TUSC3: variants seen among roughly 807,000 people sequenced by gnomAD.
The protein encoded by TUSC3 is tumor suppressor candidate 3.
TUSC3 carries 45 observed loss-of-function variants against 44.8 expected under a neutral mutation model. That is an observed-to-expected ratio of 1.00 (90% CI 0.79 to 1.29). TUSC3 has a LOEUF of 1.29. TUSC3 is among the 50% of genes most tolerant of loss of function. TUSC3 has a pLI of 0.00. For synonymous variants in TUSC3, 212 were observed against 152.9 expected, an observed-to-expected ratio of 1.39 and a Z score of -2.85; for missense variants, 519 against 437.9, an observed-to-expected ratio of 1.19 and a Z score of -1.65.
intron 2 of TUSC3, among the ~76,000 whole-genome samples, chr8:15,521,181 G>C (rs59714507): frequency 6.6e-6 from 1 of 152,060 alleles, no homozygotes; most frequent in African/African-American, 2.4e-5. Context: ...TTTGCCTGCC[G>C]TTTATGTATA....
At chr8:15,818,941 G>T in the TUSC3 span, among the ~76,000 whole-genome samples, 1 of 152,032 alleles carries the variant, frequency 6.6e-6, no homozygotes, top group Non-Finnish European at 1.5e-5. Context: ...CATTCCTTGT[G>T]GGTCTCGTGC....
At chr8:15,803,579 T>C in the TUSC3 span, among the ~76,000 whole-genome samples, 1 of 152,232 alleles carries the variant, frequency 6.6e-6, no homozygotes, top group Non-Finnish European at 1.5e-5. Flanking sequence ...AGTTCTGGGA[T>C]ACACGTGCTG....
chr8:15,609,715 T>A (rs552608982), intron 1 of TUSC3, among the ~76,000 whole-genome samples: 10 of 152,100 alleles, frequency 6.6e-5, no homozygotes, highest in African/African-American at 2.2e-4. Flanking sequence ...ACTTAAGCAA[T>A]TTTTTAGTGA....
At chr8:15,491,333 G>C (rs780725841) in intron 2 of TUSC3, among the ~76,000 whole-genome samples, 2 of 152,118 alleles carry the variant, frequency 1.3e-5, no homozygotes, top group Non-Finnish European at 2.9e-5. Context: ...TGAGTAATAC[G>C]TGAGGGAGGT....
intron 6 of TUSC3, among the ~76,000 whole-genome samples, chr8:15,723,622 A>G (rs757306134): frequency 1.3e-5 from 2 of 152,004 alleles, no homozygotes; most frequent in Non-Finnish European, 2.9e-5. Context: ...GTAAGAACTA[A>G]TGCTGCCTCA....
the TUSC3 span, among the ~76,000 whole-genome samples, chr8:15,803,941 G>C: frequency 6.6e-6 from 1 of 152,090 alleles, no homozygotes; most frequent in Non-Finnish European, 1.5e-5. Context: ...TCTTTATCCA[G>C]TCTATCATCG....
intron 2 of TUSC3, among the ~76,000 whole-genome samples, chr8:15,506,553 TGGC>T (rs1220700128): frequency 6.6e-6 from 1 of 152,148 alleles, no homozygotes; most frequent in Non-Finnish European, 1.5e-5. Context: ...CAGTTCCACA[TGGC>T]TGGGGAGGCC....
At chr8:15,800,952 T>C in the TUSC3 span, among the ~76,000 whole-genome samples, 4 of 152,180 alleles carry the variant, frequency 2.6e-5, no homozygotes, top group African/African-American at 9.7e-5. Flanking sequence ...CAAATATTTA[T>C]TGAGCTCTTA....
At chr8:15,510,719 C>G (rs1801121257) in intron 2 of TUSC3, among the ~76,000 whole-genome samples, 1 of 151,954 alleles carries the variant, frequency 6.6e-6, no homozygotes, top group African/African-American at 2.4e-5. Context: ...GCGGGGAATG[C>G]TTTCTTATTC....
chr8:15,455,155 C>A (rs1481889444), intron 1 of TUSC3, among the ~76,000 whole-genome samples: 1 of 152,112 alleles, frequency 6.6e-6, no homozygotes, highest in Non-Finnish European at 1.5e-5. Flanking sequence ...TGAGTAGACA[C>A]TTGGGTATGG....
chr8:15,851,070 G>A, the TUSC3 span, among the ~76,000 whole-genome samples: 2 of 152,140 alleles, frequency 1.3e-5, no homozygotes, highest in Non-Finnish European at 2.9e-5. Flanking sequence ...TAAGTCAATG[G>A]ACGACGCGAC....
chr8:15,805,368 T>G, the TUSC3 span, among the ~76,000 whole-genome samples: 31 of 152,304 alleles, frequency 2.0e-4, no homozygotes, highest in East Asian at 5.6e-3. Context: ...CAGTACTATG[T>G]TGAATAAAAG....
chr8:15,737,427 G>T (rs192577541), intron 7 of TUSC3, among the ~76,000 whole-genome samples: 54 of 152,198 alleles, frequency 3.5e-4, no homozygotes, highest in African/African-American at 1.1e-3. Context: ...GGTATTGTAT[G>T]TAATTTACAC....
intron 1 of TUSC3, among the ~76,000 whole-genome samples, chr8:15,592,556 G>A (rs936293282): frequency 6.6e-6 from 1 of 152,028 alleles, no homozygotes; most frequent in African/African-American, 2.4e-5. Context: ...ACTCTCTTTT[G>A]CTCGCTCTCA....
chr8:15,440,372 A>G (rs1585790077), intron 1 of TUSC3, among the ~76,000 whole-genome samples: 1 of 152,324 alleles, frequency 6.6e-6, no homozygotes, highest in East Asian at 1.9e-4. Context: ...GTAGAAACCC[A>G]GAATGATTAG....
At chr8:15,524,056 C>CAAA (rs35388650) in intron 2 of TUSC3, among the ~76,000 whole-genome samples, 12 of 135,708 alleles carry the variant, frequency 8.8e-5, no homozygotes, top group African/African-American at 2.0e-4. Context: ...GACTCCGTCT[C>CAAA]AAAAAAAAAA....
upstream of TUSC3, among the ~76,000 whole-genome samples, chr8:15,536,409 C>T (rs1801521890): frequency 6.6e-6 from 1 of 152,048 alleles, no homozygotes; most frequent in South Asian, 2.1e-4. Context: ...GGACTGGGCG[C>T]AGTGGCTCAC....
chr8:15,566,878 C>T (rs935769514), intron 1 of TUSC3, among the ~76,000 whole-genome samples: 11 of 152,064 alleles, frequency 7.2e-5, no homozygotes, highest in South Asian at 2.1e-4. Context: ...AGTTATCCTG[C>T]GGCTTCGGCC....
the TUSC3 span, among the ~76,000 whole-genome samples, chr8:15,801,003 C>A: frequency 6.6e-6 from 1 of 152,102 alleles, no homozygotes; most frequent in Admixed American, 6.6e-5. Context: ...AGAAAGGGGT[C>A]CCGATCCAGA....
Sources: allele counts gnomAD v4.1 joint callset (sites outside exome capture counted in the v4.1 genomes callset), GRCh38; gene constraint gnomAD v4.1.1; transcripts MANE v1.5; gene names NCBI Gene and HGNC (gene_info 2026-07-23, HGNC 2026-07-21).